ERBB4: variants seen among roughly 807,000 people sequenced by gnomAD.
The protein encoded by ERBB4 is erb-b2 receptor tyrosine kinase 4, also known as receptor tyrosine-protein kinase erbB-4.
Under a neutral mutation model 158.0 loss-of-function variants are expected in ERBB4, and 42 were observed. That is an observed-to-expected ratio of 0.27 (90% CI 0.21 to 0.34). The LOEUF (loss-of-function observed/expected upper bound fraction) is 0.34, where lower values mean the gene tolerates loss of function less well. Ranked by LOEUF, ERBB4 falls within the 10% of genes least tolerant of loss-of-function variation. The pLI, the probability that ERBB4 is intolerant of heterozygous loss-of-function variation, is 1.00. For missense variants in ERBB4, 1,333 were observed against 1,624.1 expected (o/e 0.82, Z 3.08); for synonymous variants, 583 against 558.7 (o/e 1.04, Z -0.61).
chr2:211,746,074 A>T (rs563719371), intron 5 of ERBB4, among the ~76,000 whole-genome samples: 1 of 152,336 alleles, frequency 6.6e-6, no homozygotes, highest in African/African-American at 2.4e-5. Context: ...GTGAAAATGA[A>T]TTTTTAAAAT....
intron 1 of ERBB4, among the ~76,000 whole-genome samples, chr2:212,424,283 C>G (rs2091858157): frequency 6.6e-6 from 1 of 152,036 alleles, no homozygotes; most frequent in South Asian, 2.1e-4. Flanking sequence ...TGAATGCCTA[C>G]CTACTCTGTG....
intron 20 of ERBB4, among the ~76,000 whole-genome samples, chr2:211,527,708 G>A (rs1205568923): frequency 6.6e-6 from 1 of 151,996 alleles, no homozygotes; most frequent in Non-Finnish European, 1.5e-5. Flanking sequence ...AAAAAGCAGA[G>A]GGAGGAAGTT....
At chr2:212,131,821 T>C (rs2125586068) in intron 1 of ERBB4, among the ~76,000 whole-genome samples, 1 of 152,218 alleles carries the variant, frequency 6.6e-6, no homozygotes, top group East Asian at 1.9e-4. Flanking sequence ...GCAATGAATG[T>C]TTGTGTCACC....
intron 2 of ERBB4, among the ~76,000 whole-genome samples, chr2:212,011,493 G>A (rs1382211000): frequency 3.9e-5 from 6 of 152,110 alleles, no homozygotes; most frequent in African/African-American, 1.4e-4. Context: ...ACTCAGGCCT[G>A]TAATCCCAGC....
chr2:212,102,524 G>C (rs948494248), intron 2 of ERBB4, among the ~76,000 whole-genome samples: 1 of 151,972 alleles, frequency 6.6e-6, no homozygotes, highest in Admixed American at 6.6e-5. Flanking sequence ...GTTTCCTCTT[G>C]TTTCTTTTAT....
intron 1 of ERBB4, among the ~76,000 whole-genome samples, chr2:212,254,576 C>T (rs190212823): frequency 6.6e-6 from 1 of 152,092 alleles, no homozygotes; most frequent in African/African-American, 2.4e-5. Flanking sequence ...ATCCAGGCAG[C>T]CAGTGTTGTC....
chr2:211,470,536 C>T (rs1206489320), intron 20 of ERBB4, among the ~76,000 whole-genome samples: 1 of 152,030 alleles, frequency 6.6e-6, no homozygotes, highest in Non-Finnish European at 1.5e-5. Flanking sequence ...TTACTTTCAT[C>T]TATTTATTTA....
intron 1 of ERBB4, among the ~76,000 whole-genome samples, chr2:212,282,876 T>C (rs1326385020): frequency 1.3e-5 from 2 of 151,922 alleles, no homozygotes; most frequent in South Asian, 2.1e-4. Context: ...TATTGTAAAA[T>C]TGACCCAATC....
At chr2:212,199,442 A>G (rs2082527920) in intron 1 of ERBB4, among the ~76,000 whole-genome samples, 1 of 152,230 alleles carries the variant, frequency 6.6e-6, no homozygotes, top group African/African-American at 2.4e-5. Flanking sequence ...CATAACTATT[A>G]CATCATAAAT....
intron 1 of ERBB4, among the ~76,000 whole-genome samples, chr2:212,396,011 T>C (rs1426562986): frequency 2.0e-5 from 3 of 152,146 alleles, no homozygotes; most frequent in Admixed American, 6.6e-5. Flanking sequence ...GAGTGGTGAT[T>C]GTGTGTTAAT....
At chr2:211,647,714 A>AT (rs2070826525) in intron 16 of ERBB4, among the ~76,000 whole-genome samples, 1 of 151,714 alleles carries the variant, frequency 6.6e-6, no homozygotes, top group Non-Finnish European at 1.5e-5. Flanking sequence ...TGGCTCCCCA[A>AT]TTCCCTGATT....
At chr2:212,015,041 AATATATAT>A (rs58361195) in intron 2 of ERBB4, among the ~76,000 whole-genome samples, 6 of 9,206 alleles carry the variant, frequency 6.5e-4, no homozygotes, top group African/African-American at 1.3e-3. Context: ...AAAAAAAAAA[AATATATAT>A]ATATATATAT....
chr2:211,675,335 C>A (rs1001049512), intron 13 of ERBB4, among the ~76,000 whole-genome samples: 6 of 152,104 alleles, frequency 3.9e-5, no homozygotes, highest in African/African-American at 1.2e-4. Context: ...ATCTAAACCC[C>A]AGGACTGACA....
intron 19 of ERBB4, among the ~76,000 whole-genome samples, chr2:211,570,170 G>C (rs1371176891): frequency 6.6e-6 from 1 of 151,786 alleles, no homozygotes; most frequent in Non-Finnish European, 1.5e-5. Flanking sequence ...TTTTGTTTTT[G>C]AGACGGAGTC....
At chr2:212,286,599 T>TTTTTTTTTTTTTTTG (rs2085977183) in intron 1 of ERBB4, among the ~76,000 whole-genome samples, 6 of 83,852 alleles carry the variant, frequency 7.2e-5, no homozygotes, top group African/African-American at 4.1e-4. Context: ...GCTGACTTTT[T>TTTTTTTTTTTTTTTG]TTTTTTTTTT....
chr2:212,131,309 T>C (rs1041268249), intron 1 of ERBB4, among the ~76,000 whole-genome samples: 19 of 152,182 alleles, frequency 1.2e-4, no homozygotes, highest in Admixed American at 3.9e-4. Context: ...AGAATAATAT[T>C]TTTAAAAATA....
In ERBB4 at chr2:211,580,809, TATA is replaced by T. The variant is rs1369943261; in HGVS notation, c.2302-18724_2302-18722del. Among the ~76,000 whole-genome samples, 28 of 47,382 alleles carry T rather than the reference TATA, an allele frequency of 5.9e-4. 1 individual carries two copies. Among genetic ancestry groups the T allele is most frequent in the Non-Finnish European group, 8.6e-4 (26 of 30,336 alleles). The allele number at this position is 47,382 out of a possible 152,430, so 31.1% of individuals were successfully genotyped here. On this transcript the variant is annotated intron_variant, in intron 19 of 27. Transcript: ENST00000342788. ...TGTGATATATATATATATATATATATATAATATATATATATTATATATATAGAT... is the reference window on the plus strand; with the variant it reads ...TGTGATATATATATATATATATATATATATATATATATTATATATATAGAT...
chr2:211,713,957 G>C (rs575987944), intron 7 of ERBB4, among the ~76,000 whole-genome samples: 3 of 152,222 alleles, frequency 2.0e-5, no homozygotes, highest in African/African-American at 7.2e-5. Flanking sequence ...TGTGTCAATA[G>C]TTCCACTTCA....
At chr2:212,070,646 G>T (rs1174583104) in intron 2 of ERBB4, among the ~76,000 whole-genome samples, 4 of 151,968 alleles carry the variant, frequency 2.6e-5, no homozygotes, top group Admixed American at 6.6e-5. Flanking sequence ...ACACACAAAA[G>T]AATTAGTTTG....
Sources: allele counts gnomAD v4.1 joint callset (sites outside exome capture counted in the v4.1 genomes callset), GRCh38; gene constraint gnomAD v4.1.1; transcripts MANE v1.5; gene names NCBI Gene and HGNC (gene_info 2026-07-23, HGNC 2026-07-21).